The following TRPM3 variants were observed in gnomAD, a reference collection of about 807,000 sequenced individuals.
TRPM3 encodes the protein long transient receptor potential channel 3.
A neutral mutation model predicts 181.2 loss-of-function variants in TRPM3; 77 were observed. The observed-to-expected ratio is 0.42, with a 90% CI of 0.35 to 0.51. The LOEUF (loss-of-function observed/expected upper bound fraction) is 0.51, where lower values mean the gene tolerates loss of function less well. TRPM3 is among the 20% of genes least tolerant of loss of function. The pLI, the probability that TRPM3 is intolerant of heterozygous loss-of-function variation, is 0.01. For synonymous variants in TRPM3, 745 were observed against 796.4 expected (o/e 0.94, Z 1.09); for missense variants, 1,759 against 2,196.7 (o/e 0.80, Z 3.98).
intron 1 of TRPM3, among the ~76,000 whole-genome samples, chr9:70,976,755 A>T (rs977901809): frequency 6.6e-6 from 1 of 152,206 alleles, no homozygotes; most frequent in Non-Finnish European, 1.5e-5. Flanking sequence ...AATGTGCAAA[A>T]TAATAGTCCC....
chr9:70,992,175 A>T (rs1246024690), intron 1 of TRPM3, among the ~76,000 whole-genome samples: 1 of 152,240 alleles, frequency 6.6e-6, no homozygotes, highest in Non-Finnish European at 1.5e-5. Context: ...AATGATGCCC[A>T]GCACATTGTG....
At chr9:71,101,602 A>G (rs1054793834) in intron 1 of TRPM3, among the ~76,000 whole-genome samples, 1 of 152,184 alleles carries the variant, frequency 6.6e-6, no homozygotes, top group African/African-American at 2.4e-5. Flanking sequence ...AAAGGTGAAT[A>G]TCACACAAAA....
intron 8 of TRPM3, 83 bp downstream of exon 8, chr9:70,761,518 G>T: frequency 1.3e-6 from 2 of 1,592,594 alleles, no homozygotes; most frequent in Non-Finnish European, 1.7e-6. Context: ...AGAGAATGTT[G>T]CATGATTTGA....
intron 1 of TRPM3, among the ~76,000 whole-genome samples, chr9:71,242,091 A>G (rs535337443): frequency 7.9e-5 from 12 of 152,352 alleles, no homozygotes; most frequent in South Asian, 6.2e-4. Flanking sequence ...ATAGTTTTAA[A>G]CAATGTTTTT....
chr9:71,084,527 C>G (rs550721428), intron 1 of TRPM3, among the ~76,000 whole-genome samples: 1 of 151,728 alleles, frequency 6.6e-6, no homozygotes, highest in African/African-American at 2.4e-5. Context: ...TGTACAATAG[C>G]CACACACACA....
chr9:71,073,198 G>A (rs551017130), intron 1 of TRPM3, among the ~76,000 whole-genome samples: 14 of 152,222 alleles, frequency 9.2e-5, no homozygotes, highest in African/African-American at 2.9e-4. Flanking sequence ...CTAAAACTTC[G>A]AACAGAAGAC....
intron 1 of TRPM3, among the ~76,000 whole-genome samples, chr9:70,905,118 C>A (rs2096443784): frequency 6.6e-6 from 1 of 152,198 alleles, no homozygotes. Context: ...CCTCCAGTTG[C>A]ATTTCTGAGC....
chr9:70,609,055 A>ATATG (rs1369512429), intron 19 of TRPM3, among the ~76,000 whole-genome samples: 5 of 152,246 alleles, frequency 3.3e-5, no homozygotes, highest in Non-Finnish European at 7.3e-5. Flanking sequence ...CATTGTACTT[A>ATATG]TATGTCAAGG....
At chr9:70,686,044 T>C (rs1040482510) in intron 8 of TRPM3, among the ~76,000 whole-genome samples, 2 of 150,806 alleles carry the variant, frequency 1.3e-5, no homozygotes, top group Non-Finnish European at 3.0e-5. Context: ...TATATATGGG[T>C]ATATATGTGT....
At chr9:70,569,482 T>C (rs1254500748) in intron 22 of TRPM3, among the ~76,000 whole-genome samples, 2 of 152,200 alleles carry the variant, frequency 1.3e-5, no homozygotes. Context: ...GACTAGGTGA[T>C]TGAAGGAACT....
intron 1 of TRPM3, among the ~76,000 whole-genome samples, chr9:71,302,762 G>A (rs1481794482): frequency 1.4e-5 from 2 of 144,312 alleles, no homozygotes; most frequent in African/African-American, 5.1e-5. Flanking sequence ...GTCAATTGCA[G>A]AATATGGAAT....
intron 6 of TRPM3, among the ~76,000 whole-genome samples, chr9:70,823,401 T>C (rs1361596166): frequency 8.6e-5 from 1 of 11,646 alleles, no homozygotes; most frequent in Non-Finnish European, 1.8e-4. Flanking sequence ...TTACCAAGCT[T>C]TCCCCCGCTC....
intron 1 of TRPM3, among the ~76,000 whole-genome samples, chr9:71,226,365 C>G (rs143576823): frequency 1.8e-4 from 28 of 151,950 alleles, no homozygotes; most frequent in African/African-American, 6.5e-4. Context: ...ATGGACTAAA[C>G]TCTCCAATTG....
At chr9:70,834,532 C>A (rs753422585) in intron 5 of TRPM3, among the ~76,000 whole-genome samples, 2 of 152,220 alleles carry the variant, frequency 1.3e-5, no homozygotes, top group Non-Finnish European at 2.9e-5. Flanking sequence ...CAGTGACTCA[C>A]TTCTAAGGGA....
intron 1 of TRPM3, among the ~76,000 whole-genome samples, chr9:71,203,952 G>T (rs1040452522): frequency 1.3e-5 from 2 of 152,128 alleles, no homozygotes; most frequent in Admixed American, 6.6e-5. Context: ...ACAAAAAGAA[G>T]AAATGGGGAA....
rs189530292 is a variant in TRPM3, at chr9:70,529,167, T to C, written c.*6786A>G. The C allele has an allele frequency of 2.4e-3, 364 of 152,232 alleles. 1 individual carries two copies. The highest frequency in any genetic ancestry group is 8.3e-3 in the African/African-American group (346 of 41,546). 9.4% of individuals were successfully genotyped at this position (152,232 alleles called of 1,614,324 possible). On this transcript the variant is annotated 3_prime_UTR_variant, in exon 26 of 26. Transcript: ENST00000677713. ...GCCAACTTCTGCTCTGAATTGTATATCTAAACAATCAAACTCAAAGTGCAT... is the reference window on the plus strand; with the variant it reads ...GCCAACTTCTGCTCTGAATTGTATACCTAAACAATCAAACTCAAAGTGCAT...
Position 71,120,286 on chromosome 9 carries a change from G to T in TRPM3, c.177+892C>A, listed in dbSNP as rs972265326. Among the ~76,000 whole-genome samples, 10 of 152,248 alleles carry T rather than the reference G, an allele frequency of 6.6e-5. 1 individual carries two copies. Among genetic ancestry groups the T allele is most frequent in the African/African-American group, 2.4e-4 (10 of 41,534 alleles). ...CTTCGAATGGATATAGAACATCAGAGATATTTATTTTTCCCTATTAAGTAT... is the reference window on the plus strand; with the variant it reads ...CTTCGAATGGATATAGAACATCAGATATATTTATTTTTCCCTATTAAGTAT... On this transcript the variant is annotated intron_variant, in intron 1 of 25. Coordinates refer to ENST00000677713, the MANE Select transcript of TRPM3 (RefSeq NM_001366145.2).
At chr9:71,113,755 G>A (rs540205494) in intron 1 of TRPM3, among the ~76,000 whole-genome samples, 1 of 152,284 alleles carries the variant, frequency 6.6e-6, no homozygotes, top group South Asian at 2.1e-4. Flanking sequence ...GAGATACTGA[G>A]TGCTCAATTT....
At position 70,620,104 on chromosome 9, in the gene TRPM3, T is replaced by C. The variant is rs369665528; in HGVS notation, c.2101A>G (p.Ile701Val). The change falls in exon 16 of 26, where the codon ATT (isoleucine) becomes GTT (valine). Residue 701 changes from isoleucine (I) to valine (V), a missense_variant. This residue lies in a region of TRPM3 where 737 missense variants were observed against 957.4 expected (regional missense o/e 0.77). Coordinates refer to ENST00000677713, the MANE Select transcript of TRPM3 (RefSeq NM_001366145.2). ...GAATTGTGATTCAGCTCCTGGGAAA[T>C]GTCGTCAACCATGTCGTTCTCAGAG... Reference protein sequence around the residue: ...EASENDMVDDISQELNHNSRD... With the variant: ...EASENDMVDDVSQELNHNSRD... 2.0e-5 allele frequency: 32 copies of C among 1,607,380 alleles called. No individual in the cohort carries two copies. Among genetic ancestry groups the C allele is most frequent in the African/African-American group, 5.3e-5 (4 of 74,782 alleles).
Sources: gnomAD v4.1 joint callset for allele counts (sites outside exome capture counted in the v4.1 genomes callset) on GRCh38, gnomAD v4.1.1 for gene constraint, gnomAD v4.1.1 regional missense constraint, MANE v1.5 for transcripts, NCBI Gene and HGNC (gene_info 2026-07-23, HGNC 2026-07-21) for gene names.